SYNE1: variants seen among roughly 807,000 people sequenced by gnomAD.
The protein encoded by SYNE1 is nesprin-1.
In SYNE1, 616 loss-of-function variants were observed where a neutral mutation model predicts 1,111.0. The observed-to-expected ratio is 0.55, with a 90% CI of 0.52 to 0.59. SYNE1 has a LOEUF of 0.59. Among genes scored for constraint, SYNE1 ranks in the 20% least tolerant of loss-of-function variants. The pLI, the probability that SYNE1 is intolerant of heterozygous loss-of-function variation, is 0.00. For missense variants in SYNE1, 10,006 were observed against 10,417.0 expected (o/e 0.96, Z 1.72); for synonymous variants, 3,855 against 3,825.8 (o/e 1.01, Z -0.28).
At chr6:152,271,606 A>G (rs1279642323) in intron 98 of SYNE1, among the ~76,000 whole-genome samples, 1 of 152,236 alleles carries the variant, frequency 6.6e-6, no homozygotes, top group East Asian at 1.9e-4. Context: ...GCATTCTCCC[A>G]GAACTGGAAC....
chr6:152,210,872 A>G (rs955474904), intron 124 of SYNE1, among the ~76,000 whole-genome samples: 1 of 152,210 alleles, frequency 6.6e-6, no homozygotes, highest in Admixed American at 6.5e-5. Context: ...GCTATTGTAA[A>G]TGAAAAGGAA....
chr6:152,426,714 C>T (rs562845499), intron 38 of SYNE1, among the ~76,000 whole-genome samples: 35 of 152,154 alleles, frequency 2.3e-4, no homozygotes, highest in African/African-American at 7.2e-4. Context: ...ATGGTCAGGG[C>T]GGGAAACAGT....
chr6:152,288,975 G>A (rs981462763), intron 95 of SYNE1, among the ~76,000 whole-genome samples: 50 of 152,188 alleles, frequency 3.3e-4, no homozygotes, highest in African/African-American at 1.2e-3. Context: ...CAGGGGGGGC[G>A]TGAGATTTTC....
At chr6:152,180,986 T>C (rs1204237529) in intron 128 of SYNE1, among the ~76,000 whole-genome samples, 1 of 151,250 alleles carries the variant, frequency 6.6e-6, no homozygotes, top group Non-Finnish European at 1.5e-5. Flanking sequence ...TATGATACAA[T>C]CACCTGTTTA....
In SYNE1 at chr6:152,579,180, T is replaced by G. The variant is rs545299075; in HGVS notation, c.68-39159A>C. Among the ~76,000 whole-genome samples the G allele has an allele frequency of 6.6e-5, 10 of 152,322 alleles. No individual in the cohort carries two copies. The South Asian group carries it at 2.1e-3, about 32-fold the overall frequency. The stretch of plus-strand genomic sequence containing the variant: ...TCCAGAACCTAGTTACTACCCCATT[T>G]AGAGGTAGAAATTTTTTTCCTTCCC... On this transcript the variant is annotated intron_variant, in intron 3 of 145. Coordinates refer to ENST00000367255, the MANE Select transcript of SYNE1 (RefSeq NM_182961.4).
At chr6:152,362,944 G>A (rs771164987) in intron 63 of SYNE1, among the ~76,000 whole-genome samples, 10 of 151,184 alleles carry the variant, frequency 6.6e-5, no homozygotes, top group African/African-American at 1.2e-4. Flanking sequence ...GCAGTGGCGC[G>A]ATCTCGGCTC....
At chr6:152,280,340 T>C (rs2093957004) in intron 97 of SYNE1, among the ~76,000 whole-genome samples, 1 of 152,240 alleles carries the variant, frequency 6.6e-6, no homozygotes, top group African/African-American at 2.4e-5. Flanking sequence ...AAAGTAAGCT[T>C]GTCCAACCCA....
At chr6:152,536,822 T>A (rs945495607) in intron 4 of SYNE1, among the ~76,000 whole-genome samples, 1 of 152,068 alleles carries the variant, frequency 6.6e-6, no homozygotes, top group African/African-American at 2.4e-5. Context: ...TCCATTTTTC[T>A]CCATTTAAGC....
chr6:152,238,604 G>A (rs570943184), intron 108 of SYNE1, among the ~76,000 whole-genome samples: 1 of 152,160 alleles, frequency 6.6e-6, no homozygotes, highest in East Asian at 1.9e-4. Context: ...ATGCAAATAC[G>A]ACCTGCAGGC....
chr6:152,143,405 G>T (rs1285916854), intron 138 of SYNE1, among the ~76,000 whole-genome samples: 1 of 152,142 alleles, frequency 6.6e-6, no homozygotes, highest in Non-Finnish European at 1.5e-5. Flanking sequence ...AAAGGAACAG[G>T]TTTGTCATTA....
intron 104 of SYNE1, among the ~76,000 whole-genome samples, chr6:152,250,564 C>T (rs577286882): frequency 1.1e-4 from 17 of 152,214 alleles, no homozygotes; most frequent in East Asian, 9.7e-4. Context: ...GAAAATATAG[C>T]GCTGAACATG....
intron 68 of SYNE1, 45 bp from the exon 69 acceptor site, chr6:152,353,478 G>T: frequency 1.2e-6 from 2 of 1,613,636 alleles, no homozygotes; most frequent in Non-Finnish European, 1.7e-6. Flanking sequence ...AAAGGCCTGT[G>T]CCAGGGCCTT....
chr6:152,197,006 C>T (rs9478298), intron 127 of SYNE1, among the ~76,000 whole-genome samples: 3,163 of 152,266 alleles, frequency 0.021, 54 homozygotes, highest in African/African-American at 0.034. Context: ...ATGCTCCCTC[C>T]GTGGGCATCA....
Position 152,208,044 on chromosome 6 carries a change from G to A in SYNE1, c.22752C>T (p.Tyr7584=). Residue 7584 remains tyrosine (Y), a synonymous_variant, in exon 125 of 146, where the codon TAC becomes TAT. Coordinates refer to ENST00000367255, the MANE Select transcript of SYNE1 (RefSeq NM_182961.4). ...KLRKWLVEVS[Y]LPMSGLGSVP... is the part of the protein sequence containing the mutation. ...CACTTCCGAGACCACTCATGGGGAG[G>A]TAGGACACTTCAACCAACCATTTAC... The A allele has an allele frequency of 6.2e-7, 1 of 1,614,074 alleles. No homozygotes were observed. Among genetic ancestry groups the A allele is most frequent in the African/African-American group, 1.3e-5 (1 of 74,998 alleles).
intron 93 of SYNE1, among the ~76,000 whole-genome samples, chr6:152,299,799 A>T (rs2095077357): frequency 1.3e-5 from 2 of 152,134 alleles, no homozygotes; most frequent in South Asian, 4.1e-4. Context: ...CAGGTTATAA[A>T]ACATTTGCTC....
At chr6:152,350,034 C>A in intron 72 of SYNE1, 134 bp downstream of exon 72, 1 of 1,160,788 alleles carries the variant, frequency 8.6e-7, no homozygotes, top group Non-Finnish European at 1.3e-6. Flanking sequence ...AGACCTGATT[C>A]TCTCAGTACA....
chr6:152,224,037 C>T (rs373354880), intron 117 of SYNE1, among the ~76,000 whole-genome samples: 22 of 152,164 alleles, frequency 1.4e-4, no homozygotes, highest in African/African-American at 4.1e-4. Context: ...TCTGTGGACA[C>T]GCTGGATAGG....
intron 140 of SYNE1, 78 bp from the exon 141 acceptor site, chr6:152,136,896 T>C (rs1308771692): frequency 2.0e-6 from 3 of 1,518,002 alleles, no homozygotes; most frequent in East Asian, 4.5e-5. Flanking sequence ...TTCACATGAA[T>C]GAAAAGATCC....
intron 13 of SYNE1, 71 bp downstream of exon 13, chr6:152,484,764 G>A (rs976294283): frequency 2.6e-6 from 4 of 1,541,966 alleles, no homozygotes; most frequent in Middle Eastern, 1.8e-4. Context: ...CCACTGTGTA[G>A]AAATAGATGA....
Sources: gnomAD v4.1 joint callset for allele counts (sites outside exome capture counted in the v4.1 genomes callset) on GRCh38, gnomAD v4.1.1 for gene constraint, MANE v1.5 for transcripts, NCBI Gene and HGNC (gene_info 2026-07-23, HGNC 2026-07-21) for gene names.